The following DEFA4 variants were observed in gnomAD, a reference collection of about 807,000 sequenced individuals.
The protein encoded by DEFA4 is corticostatin.
DEFA4 carries 8 observed loss-of-function variants against 4.4 expected under a neutral mutation model. The observed-to-expected ratio is 1.82, with a 90% CI of 1.07 to 3.29. The LOEUF is 3.29. DEFA4 is among the 30% of genes most tolerant of loss of function. The pLI, the probability that DEFA4 is intolerant of heterozygous loss-of-function variation, is 0.00. For missense variants in DEFA4, 216 were observed against 127.0 expected, an observed-to-expected ratio of 1.70 and a Z score of -3.37; for synonymous variants, 77 against 46.5, an observed-to-expected ratio of 1.66 and a Z score of -2.67.
Position 6,935,935 on chromosome 8 carries a change from C to G in DEFA4, c.*85G>C, listed in dbSNP as rs1037927767. ...AATTATGAGCTCATTTTTCTCTATT[C>G]TGCAAGCTCAGCTGCAGAAGCATGT... is the stretch of plus-strand genomic sequence containing the variant. On this transcript the variant is annotated 3_prime_UTR_variant, in exon 3 of 3. Transcript: ENST00000297435. 52 of 1,595,626 alleles carry G rather than the reference C, an allele frequency of 3.3e-5. No individual in the cohort carries two copies. The highest frequency in any genetic ancestry group is 4.5e-5 in the Non-Finnish European group (52 of 1,165,616).
intron 1 of DEFA4, 79 bp from the exon 2 acceptor site, chr8:6,936,990 C>G (rs1808886042): frequency 1.6e-6 from 2 of 1,278,304 alleles, no homozygotes; most frequent in Admixed American, 6.2e-5. Context: ...GGAGAAGGCA[C>G]AGAGATAAGA....
At position 6,936,758 on chromosome 8, in the gene DEFA4, A is replaced by C; in HGVS notation, c.142T>G (p.Trp48Gly). 6.2e-7 allele frequency: 1 copy of C among 1,611,738 alleles called. No individual in the cohort carries two copies. Among genetic ancestry groups the C allele is most frequent in the Non-Finnish European group, 8.5e-7 (1 of 1,178,810 alleles). ...ACCTGAAGAGCAGAGCTTTTATCCC[A>C]TGCAAAGGAAATAGATATGTCCTGG... Reference protein sequence around the residue: ...EDQDISISFAWDKSSALQVSG... With the variant: ...EDQDISISFAGDKSSALQVSG... Residue 48 changes from tryptophan (W) to glycine (G), a missense_variant, in exon 2 of 3, where the codon TGG becomes GGG. Coordinates refer to ENST00000297435, the MANE Select transcript of DEFA4 (RefSeq NM_001925.3).
chr8:6,936,979 G>C, intron 1 of DEFA4, 68 bp from the exon 2 acceptor site: 1 of 1,330,758 alleles, frequency 7.5e-7, no homozygotes, highest in South Asian at 1.7e-5. Flanking sequence ...TAGCTTTGCT[G>C]GGAGAAGGCA....
In DEFA4 at chr8:6,936,085, G is replaced by GTA. The variant is rs1196644760; in HGVS notation, c.228_229insTA (p.Leu77TyrfsTer12). Reference sequence around the variant, plus strand: ...CCAATGAGGCAGTTCCCAACACGAAGTTCTGTTCGCCGGCAGAATACTAAT... The same window carrying GTA: ...CCAATGAGGCAGTTCCCAACACGAAGTATTCTGTTCGCCGGCAGAATACTAAT... On this transcript the variant is annotated frameshift_variant, in exon 3 of 3. Coordinates refer to ENST00000297435, the MANE Select transcript of DEFA4 (RefSeq NM_001925.3). LOFTEE classifies it low-confidence loss of function (END_TRUNC). The GTA allele has an allele frequency of 1.2e-6, 2 of 1,613,952 alleles. No individual in the cohort carries two copies. The highest frequency in any genetic ancestry group is 2.7e-5 in the African/African-American group (2 of 74,932).
At position 6,936,837 on chromosome 8, in the gene DEFA4, T is replaced by G; in HGVS notation, c.63A>C (p.Pro21=). 1 of 1,613,290 alleles carries G rather than the reference T, an allele frequency of 6.2e-7. No individual in the cohort carries two copies. Among genetic ancestry groups the G allele is most frequent in the Non-Finnish European group, 8.5e-7 (1 of 1,179,688 alleles). ...GAGCCTCATCACCTCTTGCCTGGAG[T>G]GGGCCTGCCCGGACCTGGAGGGCTA... ...LLVALQVRAG[P]LQARGDEAPG... Residue 21 remains proline, a synonymous_variant, in exon 2 of 3, where the codon CCA becomes CCC. Coordinates refer to ENST00000297435, the MANE Select transcript of DEFA4 (RefSeq NM_001925.3).
At chr8:6,937,708 A>G (rs111999507) in intron 1 of DEFA4, among the ~76,000 whole-genome samples, 11 of 152,288 alleles carry the variant, frequency 7.2e-5, no homozygotes, top group African/African-American at 2.4e-4. Flanking sequence ...TATGACACCA[A>G]AGGCACAGGC....
rs373619174 is a variant in DEFA4 at position 6,936,057 on chromosome 8, C to A, written c.257G>T (p.Gly86Val). 3.1e-6 allele frequency: 5 copies of A among 1,613,850 alleles called. No homozygotes were observed. The African/African-American group carries it at 5.3e-5, about 17-fold the overall frequency. Residue 86 changes from glycine to valine, a missense_variant, in exon 3 of 3, where the codon GGT (glycine) becomes GTT (valine). By Grantham distance (109) the Gly-to-Val change is moderately radical. Transcript: ENST00000297435. ...CGTGCAGCAGTATGTGAAACTCACA[C>A]CACCAATGAGGCAGTTCCCAACACG... ...ELRVGNCLIG[G>V]VSFTYCCTRV...
Sources: gnomAD v4.1 joint callset for allele counts (sites outside exome capture counted in the v4.1 genomes callset) on GRCh38, gnomAD v4.1.1 for gene constraint, MANE v1.5 for transcripts, NCBI Gene and HGNC (gene_info 2026-07-23, HGNC 2026-07-21) for gene names.